Variants in FNIP1 observed in about 807,000 individuals in gnomAD.
The protein encoded by FNIP1 is folliculin-interacting protein 1.
Under a neutral mutation model 124.5 loss-of-function variants are expected in FNIP1, and 40 were observed. The ratio of observed to expected loss-of-function variants is 0.32; its 90% CI spans 0.25 to 0.42. The LOEUF is 0.42. Among genes scored for constraint, FNIP1 ranks in the 10% least tolerant of loss-of-function variants. The pLI, the probability that FNIP1 is intolerant of heterozygous loss-of-function variation, is 1.00. For missense variants in FNIP1, 1,176 were observed against 1,403.7 expected (o/e 0.84, Z 2.59); for synonymous variants, 472 against 470.6 (o/e 1.00, Z -0.04).
At chr5:131,686,157 C>T (rs1220601001) in intron 11 of FNIP1, among the ~76,000 whole-genome samples, 2 of 152,156 alleles carry the variant, frequency 1.3e-5, no homozygotes, top group East Asian at 1.9e-4. Flanking sequence ...CAGACACCTT[C>T]GTTTGCATAT....
intron 2 of FNIP1, among the ~76,000 whole-genome samples, chr5:131,740,806 A>G (rs968603184): frequency 3.9e-5 from 6 of 152,180 alleles, no homozygotes; most frequent in African/African-American, 7.2e-5. Context: ...GGCACAAGAC[A>G]TAAGTCATAA....
intron 2 of FNIP1, among the ~76,000 whole-genome samples, chr5:131,732,964 T>A (rs1405002134): frequency 2.0e-5 from 3 of 152,234 alleles, no homozygotes; most frequent in African/African-American, 4.8e-5. Flanking sequence ...TCCATGAGCA[T>A]GGAATGTTCT....
At position 131,671,717 on chromosome 5, in the gene FNIP1, G is replaced by C. The variant is rs1376427659; in HGVS notation, c.2727C>G (p.Leu909=). The change falls in exon 14 of 18, where the codon CTC becomes CTG. Residue 909 remains leucine, a synonymous_variant. Coordinates refer to ENST00000510461, the MANE Select transcript of FNIP1 (RefSeq NM_133372.3). The part of the protein sequence containing the change: ...CFPQQDQRDT[L]SILVPHGDKE... ...TATCCCCATGGGGGACAAGAATGGA[G>C]AGTGTATCTCTTTGGTCCTGCTGAG... is the stretch of plus-strand genomic sequence containing the variant. The C allele has an allele frequency of 1.2e-6, 2 of 1,614,156 alleles. No homozygotes were observed. The highest frequency in any genetic ancestry group is 1.7e-5 in the Admixed American group (1 of 60,028).
In FNIP1 at chr5:131,789,588, C is replaced by T. The variant is rs73254097; in HGVS notation, c.92+7242G>A. Among the ~76,000 whole-genome samples the T allele has an allele frequency of 1.9e-3, 286 of 152,252 alleles. 1 individual carries two copies. Among genetic ancestry groups the T allele is most frequent in the African/African-American group, 5.8e-3 (241 of 41,546 alleles). ...TCACTTTTCCCCCCAAACATTTATCCTCCCTACCAAAAAACCATCAAGGTC... is the reference window on the plus strand; with the variant it reads ...TCACTTTTCCCCCCAAACATTTATCTTCCCTACCAAAAAACCATCAAGGTC... On this transcript the variant is annotated intron_variant, in intron 1 of 17. Transcript: ENST00000510461.
At chr5:131,774,141 C>T (rs1039937666) in intron 1 of FNIP1, among the ~76,000 whole-genome samples, 7 of 152,206 alleles carry the variant, frequency 4.6e-5, no homozygotes, top group African/African-American at 1.4e-4. Context: ...ATTCTCCGGC[C>T]TTAGCCTCTG....
intron 15 of FNIP1, among the ~76,000 whole-genome samples, chr5:131,655,610 T>C (rs1006392165): frequency 6.6e-6 from 1 of 152,182 alleles, no homozygotes; most frequent in Non-Finnish European, 1.5e-5. Context: ...GTTGCAAGTA[T>C]GTACTTCAAA....
intron 15 of FNIP1, among the ~76,000 whole-genome samples, chr5:131,658,327 T>C (rs1439448331): frequency 6.6e-6 from 1 of 152,184 alleles, no homozygotes; most frequent in Non-Finnish European, 1.5e-5. Context: ...GTGAGAACAT[T>C]ATAACAGTGA....
intron 3 of FNIP1, among the ~76,000 whole-genome samples, chr5:131,727,827 G>A (rs970448633): frequency 3.3e-5 from 5 of 152,026 alleles, no homozygotes; most frequent in African/African-American, 1.2e-4. Flanking sequence ...GTTTTCCCTT[G>A]CCATATTTAG....
chr5:131,772,668 G>A (rs532201780), intron 1 of FNIP1, among the ~76,000 whole-genome samples: 1 of 152,076 alleles, frequency 6.6e-6, no homozygotes, highest in African/African-American at 2.4e-5. Flanking sequence ...CTCCCAATTG[G>A]GTAGATTGAG....
chr5:131,654,812 G>A (rs1213517765), intron 15 of FNIP1, among the ~76,000 whole-genome samples: 2 of 152,146 alleles, frequency 1.3e-5, no homozygotes, highest in Non-Finnish European at 2.9e-5. Context: ...CTACATTTGT[G>A]AGAAATGATA....
chr5:131,710,700 T>G (rs368826617), intron 6 of FNIP1, 39 bp from the exon 7 acceptor site: 1 of 1,582,600 alleles, frequency 6.3e-7, no homozygotes, highest in South Asian at 1.1e-5. Context: ...GAAAGAGGAC[T>G]GTTAGAGAAG....
At chr5:131,743,452 C>G (rs1216599988) in intron 2 of FNIP1, among the ~76,000 whole-genome samples, 3 of 150,454 alleles carry the variant, frequency 2.0e-5, no homozygotes, top group Non-Finnish European at 4.4e-5. Flanking sequence ...CTCTAGAGAG[C>G]CTGAGTGATA....
chr5:131,768,703 G>A (rs1771525570), intron 1 of FNIP1, among the ~76,000 whole-genome samples: 1 of 152,140 alleles, frequency 6.6e-6, no homozygotes, highest in Non-Finnish European at 1.5e-5. Flanking sequence ...GGAGCCTGAG[G>A]CAGGAGAATT....
intron 11 of FNIP1, among the ~76,000 whole-genome samples, chr5:131,693,317 C>CAT (rs1561658252): frequency 8.7e-4 from 36 of 41,582 alleles, no homozygotes; most frequent in East Asian, 3.6e-3. Context: ...TATATATATA[C>CAT]ACATATATAT....
chr5:131,644,622 G>C lies in FNIP1; in HGVS notation c.*63C>G. On this transcript the variant is annotated 3_prime_UTR_variant, in exon 18 of 18. Coordinates refer to ENST00000510461, the MANE Select transcript of FNIP1 (RefSeq NM_133372.3). ...GGAAAAAGAATCTCCATAAATGCAT[G>C]TTGTGTCTGCTTCCTTGGTTTCTAC... 1.4e-6 allele frequency: 2 copies of C among 1,387,868 alleles called. No homozygotes were observed. Among genetic ancestry groups the C allele is most frequent in the South Asian group, 2.3e-5 (2 of 86,020 alleles). 86.0% of individuals were successfully genotyped at this position (1,387,868 alleles called of 1,614,324 possible). A position where few individuals can be genotyped will look rare whatever the true frequency, so the allele number is the denominator to read the frequency against.
At chr5:131,683,893 C>T (rs769052507) in intron 11 of FNIP1, among the ~76,000 whole-genome samples, 8 of 152,200 alleles carry the variant, frequency 5.3e-5, no homozygotes, top group Non-Finnish European at 1.2e-4. Flanking sequence ...ACATTTTCAT[C>T]AAACCCTCAA....
intron 3 of FNIP1, among the ~76,000 whole-genome samples, chr5:131,730,297 T>C (rs1770037255): frequency 6.6e-6 from 1 of 152,182 alleles, no homozygotes; most frequent in African/African-American, 2.4e-5. Flanking sequence ...ATCATCTCAT[T>C]ACCAGTAATT....
intron 11 of FNIP1, among the ~76,000 whole-genome samples, chr5:131,692,477 C>T (rs1247542782): frequency 6.6e-6 from 1 of 152,072 alleles, no homozygotes; most frequent in Non-Finnish European, 1.5e-5. Context: ...GTCAATTCTT[C>T]CCAAGTTGAT....
At chr5:131,731,634 T>G (rs1323931139) in intron 2 of FNIP1, among the ~76,000 whole-genome samples, 2 of 149,190 alleles carry the variant, frequency 1.3e-5, no homozygotes, top group Non-Finnish European at 3.0e-5. Flanking sequence ...AGAGTGAGAC[T>G]CTGTTTCAAA....
Sources: allele counts gnomAD v4.1 joint callset (sites outside exome capture counted in the v4.1 genomes callset), GRCh38; gene constraint gnomAD v4.1.1; transcripts MANE v1.5; gene names NCBI Gene and HGNC (gene_info 2026-07-23, HGNC 2026-07-21).